The following MED25 variants were observed in gnomAD, a reference collection of about 807,000 sequenced individuals.
MED25 encodes mediator of RNA polymerase II transcription subunit 25.
In MED25, 62 loss-of-function variants were observed where a neutral mutation model predicts 89.4. The ratio of observed to expected loss-of-function variants is 0.69; its 90% CI spans 0.57 to 0.86. MED25 has a LOEUF of 0.86. Among genes scored for constraint, MED25 ranks in the 40% least tolerant of loss-of-function variants. The probability of loss-of-function intolerance (pLI) is 0.00; values close to 1 mark genes in which losing one functional copy is unlikely to be tolerated. For synonymous variants in MED25, 449 were observed against 427.9 expected, an observed-to-expected ratio of 1.05 and a Z score of -0.61; for missense variants, 905 against 1,005.2, an observed-to-expected ratio of 0.90 and a Z score of 1.35.
chr19:49,828,988 C>T lies in MED25; in HGVS notation c.423C>T (p.Val141=). The change falls in exon 5 of 18, where the codon GTC becomes GTT. Residue 141 remains valine, a synonymous_variant. Coordinates refer to ENST00000312865, the MANE Select transcript of MED25 (RefSeq NM_030973.4). ...CTGGTAGTGGCCAGACGCACCGGGTCTGCCTCCTCATCTGCAACTCACCCC... is the reference window on the plus strand; with the variant it reads ...CTGGTAGTGGCCAGACGCACCGGGTTTGCCTCCTCATCTGCAACTCACCCC... ...MREQIGQTHR[V]CLLICNSPPY... is the part of the protein sequence containing the mutation. 1 of 1,614,122 alleles carries T rather than the reference C, an allele frequency of 6.2e-7. No individual in the cohort carries two copies. Among genetic ancestry groups the T allele is most frequent in the Non-Finnish European group, 8.5e-7 (1 of 1,180,006 alleles).
chr19:49,832,079 C>T, intron 11 of MED25, 21 bp from the exon 12 acceptor site: 1 of 1,613,908 alleles, frequency 6.2e-7, no homozygotes, highest in Non-Finnish European at 8.5e-7. Context: ...CTCCTCACAC[C>T]TCTCCTGGCA....
Position 49,836,090 on chromosome 19 carries a change from T to G in MED25, c.1966-136T>G. ...GGCTTTAGGCAGAAGGCAGACCGCC[T>G]CCTCTCCGTCCATCCCCCACCTTTG... On this transcript the variant is annotated intron_variant, in intron 16 of 17. Coordinates refer to ENST00000312865, the MANE Select transcript of MED25 (RefSeq NM_030973.4). The surrounding 1 kb of genome is among the most constrained non-coding windows in gnomAD (Gnocchi z 5.1). 5 of 1,513,950 alleles carry G rather than the reference T, an allele frequency of 3.3e-6. No homozygotes were observed. Among genetic ancestry groups the G allele is most frequent in the Non-Finnish European group, 4.5e-6 (5 of 1,114,512 alleles). 93.8% of individuals were successfully genotyped at this position (1,513,950 alleles called of 1,614,324 possible).
Position 49,835,031 on chromosome 19 carries a change from G to A in MED25, c.1528G>A (p.Val510Met). ...CCACACGGCGCCCTGTGAGGTGCGC[G>A]TGCTCATGCTCCTGTACTCGTCCAA... ...FPHTAPCEVR[V>M]LMLLYSSKKK... Residue 510 changes from valine to methionine, a missense_variant, in exon 14 of 18, where the codon GTG becomes ATG. By Grantham distance (21) the Val-to-Met change is conservative. Transcript: ENST00000312865. The surrounding 1 kb of genome is among the most constrained non-coding windows in gnomAD (Gnocchi z 6.2). 6.2e-7 allele frequency: 1 copy of A among 1,614,066 alleles called. No homozygotes were observed. Among genetic ancestry groups the A allele is most frequent in the Non-Finnish European group, 8.5e-7 (1 of 1,180,000 alleles).
chr19:49,832,709 T>C (rs985082728), intron 13 of MED25, among the ~76,000 whole-genome samples: 6 of 152,202 alleles, frequency 3.9e-5, no homozygotes, highest in Admixed American at 3.9e-4. Flanking sequence ...TCATTTCCTG[T>C]GGCTGTGGTA....
chr19:49,825,141 C>T (rs2074007771), intron 3 of MED25, among the ~76,000 whole-genome samples: 1 of 152,118 alleles, frequency 6.6e-6, no homozygotes, highest in Non-Finnish European at 1.5e-5. Context: ...TACATGTCGC[C>T]CTTTGAGCTT....
At position 49,835,530 on chromosome 19, in the gene MED25, G is replaced by A. The variant is rs1202670954; in HGVS notation, c.1675-4G>A. The stretch of plus-strand genomic sequence containing the variant: ...TACTGACCTGCCCCTCTCTCCCCGT[G>A]CAGATGGGGGGACAGCAGGCACCCC... On this transcript the variant is annotated splice_polypyrimidine_tract_variant and splice_region_variant and intron_variant, in intron 14 of 17. Transcript: ENST00000312865. The surrounding 1 kb of genome is among the most constrained non-coding windows in gnomAD (Gnocchi z 6.2). 12 of 1,553,552 alleles carry A rather than the reference G, an allele frequency of 7.7e-6. No homozygotes were observed. The highest frequency in any genetic ancestry group is 9.6e-6 in the Non-Finnish European group (11 of 1,149,352).
Position 49,821,923 on chromosome 19 carries a change from G to A in MED25, c.305+2627G>A, listed in dbSNP as rs559408398. Among the ~76,000 whole-genome samples the A allele has an allele frequency of 4.1e-4, 62 of 150,994 alleles. 1 individual carries two copies. The South Asian group carries it at 0.012, about 30-fold the overall frequency. ...GCGGGCGAATCACCTGAGGTCAGGA[G>A]TTCGAGACCAGCCTGGCCAACATGG... On this transcript the variant is annotated intron_variant, in intron 3 of 17. Coordinates refer to ENST00000312865, the MANE Select transcript of MED25 (RefSeq NM_030973.4).
intron 3 of MED25, among the ~76,000 whole-genome samples, chr19:49,823,513 A>G (rs894826299): frequency 6.6e-6 from 1 of 151,598 alleles, no homozygotes; most frequent in Non-Finnish European, 1.5e-5. Context: ...TTGCAAATGG[A>G]TAATGGTCGC....
intron 3 of MED25, among the ~76,000 whole-genome samples, chr19:49,824,129 A>G (rs1280182721): frequency 6.6e-6 from 1 of 152,128 alleles, no homozygotes; most frequent in Non-Finnish European, 1.5e-5. Flanking sequence ...GGCCTCGGGT[A>G]AATTCTGTAG....
At position 49,834,934 on chromosome 19, in the gene MED25, G is replaced by C; in HGVS notation, c.1483-52G>C. On this transcript the variant is annotated intron_variant, in intron 13 of 17. Transcript: ENST00000312865. This position sits in a 1 kb window ranked among gnomAD's most constrained non-coding sequence, Gnocchi z 4.1. ...GCCTTCTGGAATGGGGAGGGGGTCA[G>C]GGCTGCCTCTTTCAGGGCCTGAATG... The C allele has an allele frequency of 6.3e-7, 1 of 1,596,416 alleles. No homozygotes were observed. The highest frequency in any genetic ancestry group is 8.6e-7 in the Non-Finnish European group (1 of 1,166,110).
intron 3 of MED25, chr19:49,819,554 G>A: frequency 2.1e-6 from 1 of 473,084 alleles, no homozygotes; most frequent in Non-Finnish European, 3.9e-6. Flanking sequence ...AGGACTTTGA[G>A]GGTGATTGTG....
intron 13 of MED25, among the ~76,000 whole-genome samples, chr19:49,832,723 C>T (rs1223547924): frequency 6.6e-6 from 1 of 152,128 alleles, no homozygotes. Flanking sequence ...TGTGGTAACA[C>T]ATTACCACAA....
In MED25 at chr19:49,830,190, C is replaced by T; in HGVS notation, c.791C>T (p.Pro264Leu). ...GATLSAAPQQ[P>L]LPPVPPQYQV... The stretch of plus-strand genomic sequence containing the variant: ...ACTCTCTCAGCAGCCCCCCAGCAGC[C>T]TCTGCCCCCCGTCCCCCCGCAGTAC... The change falls in exon 7 of 18, where the codon CCT (proline) becomes CTT (leucine). Residue 264 changes from proline to leucine, a missense_variant. Transcript: ENST00000312865. This position sits in a 1 kb window ranked among gnomAD's most constrained non-coding sequence, Gnocchi z 4.6. 6.2e-7 allele frequency: 1 copy of T among 1,607,026 alleles called. No homozygotes were observed. Among genetic ancestry groups the T allele is most frequent in the Non-Finnish European group, 8.5e-7 (1 of 1,175,386 alleles).
At position 49,828,855 on chromosome 19, in the gene MED25, G is replaced by A. The variant is rs918622747; in HGVS notation, c.405-115G>A. The A allele has an allele frequency of 4.1e-5, 63 of 1,546,258 alleles. 1 individual carries two copies. The highest frequency in any genetic ancestry group is 3.2e-4 in the South Asian group (27 of 84,802). ...GTGTTCTCAGCTGTAAAGTAGGGGCGTTGCTTCTGATTCCATGTGAGGCGG... is the reference window on the plus strand; with the variant it reads ...GTGTTCTCAGCTGTAAAGTAGGGGCATTGCTTCTGATTCCATGTGAGGCGG... On this transcript the variant is annotated intron_variant, in intron 4 of 17. Coordinates refer to ENST00000312865, the MANE Select transcript of MED25 (RefSeq NM_030973.4).
chr19:49,839,906 G>C (rs913479445), downstream of MED25: 3 of 152,234 alleles, frequency 2.0e-5, no homozygotes, highest in African/African-American at 7.2e-5. Context: ...GATGTTTCTT[G>C]TGTGAATGCA....
rs1192624553 is a variant in MED25 at position 49,836,549 on chromosome 19, G to T, written c.2146+143G>T. 9.5e-7 allele frequency: 1 copy of T among 1,055,324 alleles called. No individual in the cohort carries two copies. Among genetic ancestry groups the T allele is most frequent in the African/African-American group, 1.6e-5 (1 of 63,750 alleles). 65.4% of individuals were successfully genotyped at this position (1,055,324 alleles called of 1,614,324 possible). On this transcript the variant is annotated intron_variant, in intron 17 of 17. Transcript: ENST00000312865. The surrounding 1 kb of genome is among the most constrained non-coding windows in gnomAD (Gnocchi z 5.1). The stretch of plus-strand genomic sequence containing the variant: ...TCCCCCATGGCCTTTGCGGAGCTCT[G>T]AGGGCTCCGGGAAAGTACAGCCCAT...
In MED25 at chr19:49,835,908, A is replaced by G. The variant is rs2074094238; in HGVS notation, c.1928A>G (p.Asn643Ser). 1 of 1,612,756 alleles carries G rather than the reference A, an allele frequency of 6.2e-7. No homozygotes were observed. The highest frequency in any genetic ancestry group is 8.5e-7 in the Non-Finnish European group (1 of 1,179,936). The change falls in exon 16 of 18, where the codon AAC (asparagine) becomes AGC (serine). Residue 643 changes from asparagine to serine, a missense_variant. Transcript: ENST00000312865. The surrounding 1 kb of genome is among the most constrained non-coding windows in gnomAD (Gnocchi z 6.2). The stretch of plus-strand genomic sequence containing the variant: ...CTTCGGCCCCAGAACCCTGGGGCCA[A>G]CCCTCAGCTGCGAAGCCTCCTCCTC... Reference protein sequence around the residue: ...PILRPQNPGANPQLRSLLLNP... With the variant: ...PILRPQNPGASPQLRSLLLNP...
intron 3 of MED25, among the ~76,000 whole-genome samples, chr19:49,823,041 C>T (rs570299282): frequency 3.9e-5 from 6 of 152,222 alleles, no homozygotes; most frequent in East Asian, 3.9e-4. Context: ...CTCGACCTCT[C>T]GGGCTCAAGT....
In MED25 at chr19:49,836,479, C is replaced by G; in HGVS notation, c.2146+73C>G. On this transcript the variant is annotated intron_variant, in intron 17 of 17. Transcript: ENST00000312865. This position sits in a 1 kb window ranked among gnomAD's most constrained non-coding sequence, Gnocchi z 5.1. ...AGCTCCTGGGCTAGAGCACCAAGACCGAGTGCTCCTGGGAAGTAAAGACAT... is the reference window on the plus strand; with the variant it reads ...AGCTCCTGGGCTAGAGCACCAAGACGGAGTGCTCCTGGGAAGTAAAGACAT... The G allele has an allele frequency of 6.7e-7, 1 of 1,496,304 alleles. No homozygotes were observed. 92.7% of individuals were successfully genotyped at this position (1,496,304 alleles called of 1,614,324 possible). A position where few individuals can be genotyped will look rare whatever the true frequency, so the allele number is the denominator to read the frequency against.
Sources: allele counts gnomAD v4.1 joint callset (sites outside exome capture counted in the v4.1 genomes callset), GRCh38; gene constraint gnomAD v4.1.1; non-coding constraint Gnocchi (gnomAD v3.1); transcripts MANE v1.5; gene names NCBI Gene and HGNC (gene_info 2026-07-23, HGNC 2026-07-21).